Variants in GRID2 observed in about 807,000 individuals in gnomAD.
GRID2 encodes glutamate ionotropic receptor delta type subunit 2.
A neutral mutation model predicts 114.8 loss-of-function variants in GRID2; 33 were observed. The ratio of observed to expected loss-of-function variants is 0.29; its 90% confidence interval spans 0.22 to 0.38. The LOEUF (loss-of-function observed/expected upper bound fraction) is 0.38, where lower values mean the gene tolerates loss of function less well. Among genes scored for constraint, GRID2 ranks in the 10% least tolerant of loss-of-function variants. The probability of loss-of-function intolerance (pLI) is 1.00; values close to 1 mark genes in which losing one functional copy is unlikely to be tolerated. For missense variants in GRID2, 1,184 were observed against 1,257.7 expected, an observed-to-expected ratio of 0.94 and a Z score of 0.89; for synonymous variants, 505 against 449.9, an observed-to-expected ratio of 1.12 and a Z score of -1.55.
intron 2 of GRID2, among the ~76,000 whole-genome samples, chr4:92,947,297 C>T (rs550506521): frequency 1.4e-4 from 22 of 151,962 alleles, no homozygotes; most frequent in Admixed American, 4.6e-4. Flanking sequence ...TACCTGTATG[C>T]CCAATATTTA....
chr4:93,099,594 A>G (rs904914311), intron 3 of GRID2, among the ~76,000 whole-genome samples: 5 of 151,836 alleles, frequency 3.3e-5, no homozygotes, highest in African/African-American at 1.2e-4. Context: ...TGTTACCCAT[A>G]TGCACAAAAA....
chr4:93,724,263 T>G (rs1437907880), intron 14 of GRID2, among the ~76,000 whole-genome samples: 1 of 152,170 alleles, frequency 6.6e-6, no homozygotes, highest in Non-Finnish European at 1.5e-5. Flanking sequence ...CATGCGGGAT[T>G]GTCATCTTCC....
chr4:93,043,936 T>TAA (rs147156441), intron 2 of GRID2, among the ~76,000 whole-genome samples: 1 of 150,878 alleles, frequency 6.6e-6, no homozygotes, highest in African/African-American at 2.4e-5. Context: ...TATATAAAAA[T>TAA]AAAAAAAGAC....
chr4:92,982,022 T>TAAAAAAAAAAA (rs1161216679), intron 2 of GRID2, among the ~76,000 whole-genome samples: 3 of 80,188 alleles, frequency 3.7e-5, no homozygotes, highest in Non-Finnish European at 5.1e-5. Flanking sequence ...AAAGTACTGG[T>TAAAAAAAAAAA]AAAAAAAAAA....
chr4:93,460,690 A>G (rs1421723582), intron 11 of GRID2, among the ~76,000 whole-genome samples: 1 of 152,184 alleles, frequency 6.6e-6, no homozygotes, highest in East Asian at 1.9e-4. Flanking sequence ...TTAGGCATTT[A>G]ATAAATTCAT....
At chr4:92,739,181 A>C (rs1736750918) in intron 2 of GRID2, among the ~76,000 whole-genome samples, 1 of 152,182 alleles carries the variant, frequency 6.6e-6, no homozygotes, top group Admixed American at 6.5e-5. Flanking sequence ...TTGAGAAGTC[A>C]AGTTACCCTA....
chr4:92,877,396 A>G (rs1745708479), intron 2 of GRID2, among the ~76,000 whole-genome samples: 1 of 152,186 alleles, frequency 6.6e-6, no homozygotes, highest in African/African-American at 2.4e-5. Flanking sequence ...AACCTCCTTG[A>G]TTGTATGTGT....
At chr4:93,335,994 C>G (rs1759049478) in intron 8 of GRID2, among the ~76,000 whole-genome samples, 1 of 152,092 alleles carries the variant, frequency 6.6e-6, no homozygotes, top group Non-Finnish European at 1.5e-5. Flanking sequence ...TCCTTCCTTT[C>G]TTATCAAAGT....
intron 3 of GRID2, among the ~76,000 whole-genome samples, chr4:93,096,844 G>A (rs1359286271): frequency 6.6e-6 from 1 of 151,776 alleles, no homozygotes; most frequent in Non-Finnish European, 1.5e-5. Context: ...ATAGCCACAC[G>A]AATTCTTGTA....
chr4:92,320,727 C>T (rs1290630953), intron 1 of GRID2, among the ~76,000 whole-genome samples: 1 of 152,208 alleles, frequency 6.6e-6, no homozygotes, highest in Admixed American at 6.5e-5. Context: ...ATCCACCTGC[C>T]TCGGCCTCCC....
chr4:93,742,303 C>T (rs138618139), intron 14 of GRID2, among the ~76,000 whole-genome samples: 1 of 152,248 alleles, frequency 6.6e-6, no homozygotes, highest in Non-Finnish European at 1.5e-5. Context: ...ATGGATTAAG[C>T]ATCCTAACTT....
At chr4:92,551,020 TA>T (rs1726558828) in intron 1 of GRID2, among the ~76,000 whole-genome samples, 1 of 152,162 alleles carries the variant, frequency 6.6e-6, no homozygotes, top group African/African-American at 2.4e-5. Flanking sequence ...TTAAATTTGT[TA>T]AATGGGGATC....
intron 1 of GRID2, among the ~76,000 whole-genome samples, chr4:92,458,758 A>G (rs184872795): frequency 6.6e-6 from 1 of 152,216 alleles, no homozygotes; most frequent in Non-Finnish European, 1.5e-5. Context: ...AAGTTGCTAC[A>G]TGTAAAAACT....
intron 2 of GRID2, among the ~76,000 whole-genome samples, chr4:93,059,957 T>G (rs1727630041): frequency 6.6e-6 from 1 of 152,120 alleles, no homozygotes; most frequent in Non-Finnish European, 1.5e-5. Flanking sequence ...TCTTTACTAT[T>G]TTTTACCTGA....
At chr4:93,780,130 A>G (rs1734450378) in intron 1 of GRID2, among the ~76,000 whole-genome samples, 1 of 152,220 alleles carries the variant, frequency 6.6e-6, no homozygotes, top group Non-Finnish European at 1.5e-5. Flanking sequence ...TGTGGAGGAA[A>G]ACAAAGCAAA....
chr4:93,520,966 T>A (rs185606259), intron 13 of GRID2, among the ~76,000 whole-genome samples: 14 of 152,202 alleles, frequency 9.2e-5, no homozygotes, highest in Non-Finnish European at 1.6e-4. Context: ...GAGGCCACTG[T>A]AATAATCCAA....
chr4:92,805,916 T>G (rs1415844039), intron 2 of GRID2, among the ~76,000 whole-genome samples: 1 of 151,940 alleles, frequency 6.6e-6, no homozygotes, highest in Non-Finnish European at 1.5e-5. Flanking sequence ...CCCTTTCAAC[T>G]CTGCAAATCG....
intron 2 of GRID2, among the ~76,000 whole-genome samples, chr4:92,752,057 C>T (rs542310683): frequency 6.6e-6 from 1 of 152,280 alleles, no homozygotes; most frequent in Admixed American, 6.5e-5. Context: ...CACGAAGCTA[C>T]AGTGCTTGGT....
intron 2 of GRID2, among the ~76,000 whole-genome samples, chr4:92,953,279 T>G (rs1250672594): frequency 2.0e-5 from 3 of 152,166 alleles, no homozygotes; most frequent in Non-Finnish European, 2.9e-5. Flanking sequence ...GCTTTAGTGA[T>G]CTTATAAAAA....
Sources: gnomAD v4.1 joint callset for allele counts (sites outside exome capture counted in the v4.1 genomes callset) on GRCh38, gnomAD v4.1.1 for gene constraint, MANE v1.5 for transcripts, NCBI Gene and HGNC (gene_info 2026-07-23, HGNC 2026-07-21) for gene names.